ZSCAN25: variants seen among roughly 807,000 people sequenced by gnomAD.
ZSCAN25 encodes the protein zinc finger and SCAN domain-containing protein 25.
In ZSCAN25, 27 loss-of-function variants were observed where a neutral mutation model predicts 38.7. The ratio of observed to expected loss-of-function variants is 0.70; its 90% CI spans 0.51 to 0.96. The LOEUF (loss-of-function observed/expected upper bound fraction) is 0.96, where lower values mean the gene tolerates loss of function less well. ZSCAN25 is among the 40% of genes least tolerant of loss of function. ZSCAN25 has a pLI of 0.00. For synonymous variants in ZSCAN25, 273 were observed against 277.7 expected (o/e 0.98, Z 0.17); for missense variants, 637 against 705.9 (o/e 0.90, Z 1.11).
the ZSCAN25 span, chr7:99,709,000 G>A: frequency 6.8e-6 from 11 of 1,612,706 alleles, 1 homozygote; most frequent in South Asian, 8.8e-5. Context: ...AACCAGGCTG[G>A]TTCAGGGAGG....
chr7:99,650,069 T>A, the ZSCAN25 span: 1 of 1,614,074 alleles, frequency 6.2e-7, no homozygotes, highest in Non-Finnish European at 8.5e-7. Flanking sequence ...GAAAGTGTAC[T>A]GACCTGTGTT....
At chr7:99,679,263 G>C in the ZSCAN25 span, among the ~76,000 whole-genome samples, 38 of 152,256 alleles carry the variant, frequency 2.5e-4, 1 homozygote, top group South Asian at 7.7e-3. Flanking sequence ...AGAGGGAAGA[G>C]CCAGGGGACA....
At chr7:99,701,811 A>T in the ZSCAN25 span, among the ~76,000 whole-genome samples, 1 of 152,166 alleles carries the variant, frequency 6.6e-6, no homozygotes, top group South Asian at 2.1e-4. Flanking sequence ...TTTTTTCCAA[A>T]GAGTTGTTTG....
the ZSCAN25 span, among the ~76,000 whole-genome samples, chr7:99,681,829 A>C: frequency 3.9e-5 from 6 of 152,062 alleles, no homozygotes; most frequent in South Asian, 1.2e-3. Context: ...CCATTTGTCC[A>C]TTTTTGCTTT....
At chr7:99,720,554 T>C in the ZSCAN25 span, 1 of 899,052 alleles carries the variant, frequency 1.1e-6, no homozygotes, top group Admixed American at 2.2e-5. Flanking sequence ...TCTAGTTCAT[T>C]AGGTATAACT....
the ZSCAN25 span, among the ~76,000 whole-genome samples, chr7:99,713,140 C>T: frequency 6.6e-6 from 1 of 152,080 alleles, no homozygotes; most frequent in Non-Finnish European, 1.5e-5. Flanking sequence ...TTGCAGAAAC[C>T]TAATAAATTT....
the ZSCAN25 span, among the ~76,000 whole-genome samples, chr7:99,682,824 G>A: frequency 6.6e-6 from 1 of 151,968 alleles, no homozygotes; most frequent in South Asian, 2.1e-4. Context: ...AATATTAATT[G>A]TAGACATCTT....
chr7:99,681,200 A>T, the ZSCAN25 span, among the ~76,000 whole-genome samples: 10 of 152,306 alleles, frequency 6.6e-5, no homozygotes, highest in Admixed American at 4.6e-4. Context: ...TTATCCATTC[A>T]TCTGTTGATG....
At chr7:99,661,415 C>T in the ZSCAN25 span, among the ~76,000 whole-genome samples, 44 of 152,208 alleles carry the variant, frequency 2.9e-4, no homozygotes, top group Non-Finnish European at 5.0e-4. Context: ...AATGGACTAT[C>T]TCAGGATGTA....
At chr7:99,712,261 T>C in the ZSCAN25 span, among the ~76,000 whole-genome samples, 665 of 152,286 alleles carry the variant, frequency 4.4e-3, 7 homozygotes, top group African/African-American at 0.015. Flanking sequence ...AGAGCTGTGA[T>C]TTACCAGTGA....
At chr7:99,709,333 T>C in the ZSCAN25 span, 2 of 1,560,686 alleles carry the variant, frequency 1.3e-6, no homozygotes, top group Non-Finnish European at 1.7e-6. Flanking sequence ...CATGTAGTAC[T>C]GTTGAACTGT....
chr7:99,636,483 T>C (rs1808289458), downstream of ZSCAN25, among the ~76,000 whole-genome samples: 1 of 152,226 alleles, frequency 6.6e-6, no homozygotes, highest in Non-Finnish European at 1.5e-5. Context: ...ACGTCTTTGG[T>C]AAAAGCTCCA....
the ZSCAN25 span, among the ~76,000 whole-genome samples, chr7:99,693,635 T>C: frequency 1.3e-5 from 2 of 152,204 alleles, no homozygotes; most frequent in African/African-American, 2.4e-5. Flanking sequence ...CCCTCCTCTA[T>C]CAAGCTGCAG....
intron 4 of ZSCAN25, 108 bp downstream of exon 4, chr7:99,620,101 C>T (rs1037199056): frequency 1.4e-6 from 2 of 1,408,492 alleles, no homozygotes; most frequent in Admixed American, 2.8e-5. Flanking sequence ...TGGAGCCGCC[C>T]TCCTCTGCCC....
intron 6 of ZSCAN25, among the ~76,000 whole-genome samples, chr7:99,623,596 C>T (rs1321045494): frequency 6.6e-6 from 1 of 152,214 alleles, no homozygotes; most frequent in East Asian, 1.9e-4. Flanking sequence ...GCATCATTTC[C>T]CTTTTCCTGT....
chr7:99,626,216 G>A (rs1012025910), intron 7 of ZSCAN25, among the ~76,000 whole-genome samples: 8 of 152,234 alleles, frequency 5.3e-5, no homozygotes, highest in African/African-American at 1.9e-4. Flanking sequence ...CCTGAATGCA[G>A]GACTCTGCAG....
At chr7:99,652,441 C>A in the ZSCAN25 span, 1 of 733,482 alleles carries the variant, frequency 1.4e-6, no homozygotes, top group Non-Finnish European at 2.2e-6. Context: ...GATAAAAAGA[C>A]TTACAAGCAA....
chr7:99,688,208 T>G, the ZSCAN25 span, among the ~76,000 whole-genome samples: 1 of 152,192 alleles, frequency 6.6e-6, no homozygotes, highest in African/African-American at 2.4e-5. Flanking sequence ...AATGCTCCAA[T>G]TAAAAGACAC....
chr7:99,672,010 G>A, the ZSCAN25 span: 1 of 582,860 alleles, frequency 1.7e-6, no homozygotes, highest in Non-Finnish European at 3.0e-6. Flanking sequence ...ATAGTATTAG[G>A]TTGGTGCAAA....
Sources: gnomAD v4.1 joint callset for allele counts (sites outside exome capture counted in the v4.1 genomes callset) on GRCh38, gnomAD v4.1.1 for gene constraint, MANE v1.5 for transcripts, NCBI Gene and HGNC (gene_info 2026-07-23, HGNC 2026-07-21) for gene names.